NAV3: variants seen among roughly 807,000 people sequenced by gnomAD.
NAV3 encodes the protein pore membrane and/or filament interacting like protein 1.
Under a neutral mutation model 244.7 loss-of-function variants are expected in NAV3, and 87 were observed. That is an observed-to-expected ratio of 0.36 (90% CI 0.30 to 0.42). NAV3 has a LOEUF of 0.42. Among genes scored for constraint, NAV3 ranks in the 20% least tolerant of loss-of-function variants. The pLI is 1.00. For synonymous variants in NAV3, 1,126 were observed against 1,042.2 expected (o/e 1.08, Z -1.55); for missense variants, 2,663 against 2,893.3 (o/e 0.92, Z 1.83).
intron 3 of NAV3, among the ~76,000 whole-genome samples, chr12:77,947,721 A>T (rs1222083753): frequency 6.6e-6 from 1 of 152,010 alleles, no homozygotes; most frequent in Non-Finnish European, 1.5e-5. Context: ...TATTTTTCTT[A>T]ATGATTTCAT....
Position 77,903,061 on chromosome 12 carries a change from A to G in NAV3, c.244-37258A>G, listed in dbSNP as rs868671635. On this transcript the variant is annotated intron_variant, in intron 1 of 39. Transcript: ENST00000397909. ...AAGAATCAATATCGTGAAAATGGCC[A>G]TACTGCCCCAGGTAATTTATAGATT... is the stretch of plus-strand genomic sequence containing the variant. Among the ~76,000 whole-genome samples, 115 of 152,342 alleles carry G rather than the reference A, an allele frequency of 7.5e-4. 2 individuals carry two copies. Among genetic ancestry groups the G allele is most frequent in the Admixed American group, 3.3e-4 (5 of 15,302 alleles).
chr12:77,871,256 T>C (rs1262549547), intron 1 of NAV3, among the ~76,000 whole-genome samples: 1 of 152,122 alleles, frequency 6.6e-6, no homozygotes, highest in Non-Finnish European at 1.5e-5. Context: ...AGAAAAAAAT[T>C]AGTAAAAGAT....
In NAV3 at chr12:77,968,210, G is replaced by A. The variant is rs566368460; in HGVS notation, c.488-309G>A. ...AATCAAATGGTTAGCACAAGAGAGA[G>A]CTCATTTATTTCTAAGAAGCAGCTA... On this transcript the variant is annotated intron_variant, in intron 4 of 39. Coordinates refer to ENST00000397909, the MANE Select transcript of NAV3 (RefSeq NM_001024383.2). Among the ~76,000 whole-genome samples the A allele has an allele frequency of 6.1e-4, 93 of 152,302 alleles. 1 individual carries two copies. The South Asian group carries it at 0.019, about 31-fold the overall frequency.
rs552417610 is a variant in NAV3, at chr12:78,009,396, A to C, written c.1907+1951A>C. Among the ~76,000 whole-genome samples, 20 of 128,950 alleles carry C rather than the reference A, an allele frequency of 1.6e-4. 1 individual carries two copies. Among genetic ancestry groups the C allele is most frequent in the African/African-American group, 5.6e-4 (20 of 35,502 alleles). The allele number at this position is 128,950 out of a possible 152,430, so 84.6% of individuals were successfully genotyped here. A position where few individuals can be genotyped will look rare whatever the true frequency, so the allele number is the denominator to read the frequency against. ...CCAGGAGGTGGCAGAGGTTGCAGTGAGCTGAGATCGTGCATTTGCACTGCA... is the reference window on the plus strand; with the variant it reads ...CCAGGAGGTGGCAGAGGTTGCAGTGCGCTGAGATCGTGCATTTGCACTGCA... On this transcript the variant is annotated intron_variant, in intron 8 of 39. Coordinates refer to ENST00000397909, the MANE Select transcript of NAV3 (RefSeq NM_001024383.2).
At chr12:78,173,286 C>G (rs902935079) in intron 24 of NAV3, among the ~76,000 whole-genome samples, 6 of 151,498 alleles carry the variant, frequency 4.0e-5, no homozygotes, top group Admixed American at 2.6e-4. Context: ...TGAATGCAGT[C>G]ATAATTGAAG....
chr12:77,979,685 A>G (rs1869171691), intron 5 of NAV3, among the ~76,000 whole-genome samples: 1 of 146,476 alleles, frequency 6.8e-6, no homozygotes. Flanking sequence ...TCTCAGTCTC[A>G]TAAGATGTGA....
rs562779573 is a variant in NAV3 at position 77,773,620 on chromosome 12, A to G, written c.73-166699A>G. On this transcript the variant is annotated intron_variant, in intron 2 of 8. Coordinates refer to the NAV3 transcript ENST00000550042. Reference sequence around the variant, plus strand: ...GATACATAGTATATTAGATAATGATAGGACCTATGAATAAATATAAAGCAG... The same window carrying G: ...GATACATAGTATATTAGATAATGATGGGACCTATGAATAAATATAAAGCAG... Among the ~76,000 whole-genome samples the G allele has an allele frequency of 5.3e-5, 8 of 152,296 alleles. No homozygotes were observed. In the South Asian group the frequency reaches 1.7e-3, roughly 32 times the overall value.
chr12:78,126,143 G>A (rs1043273385), intron 16 of NAV3, among the ~76,000 whole-genome samples: 2 of 152,106 alleles, frequency 1.3e-5, no homozygotes, highest in Admixed American at 6.6e-5. Flanking sequence ...GGCTATTACC[G>A]ATAAAGTTAA....
intron 2 of NAV3, among the ~76,000 whole-genome samples, chr12:77,660,794 GTC>G (rs1371783730): frequency 6.6e-6 from 1 of 152,004 alleles, no homozygotes; most frequent in African/African-American, 2.4e-5. Flanking sequence ...AACTAGCTTT[GTC>G]TCTATAGTTT....
At chr12:77,665,555 T>C (rs1873675583) in intron 2 of NAV3, among the ~76,000 whole-genome samples, 1 of 152,212 alleles carries the variant, frequency 6.6e-6, no homozygotes, top group Non-Finnish European at 1.5e-5. Flanking sequence ...AAACTTCCCG[T>C]ATCTTGGGAA....
intron 3 of NAV3, among the ~76,000 whole-genome samples, chr12:77,961,239 T>TTAC (rs143982897): frequency 7.3e-6 from 1 of 137,470 alleles, no homozygotes; most frequent in Non-Finnish European, 1.6e-5. Context: ...TAATAATATA[T>TTAC]TAAAGTATTA....
At chr12:77,785,184 C>T (rs1291546591) in intron 2 of NAV3, among the ~76,000 whole-genome samples, 2 of 152,208 alleles carry the variant, frequency 1.3e-5, no homozygotes, top group Non-Finnish European at 2.9e-5. Context: ...TCTTGTAGTC[C>T]TTATGCCTCC....
At chr12:77,723,064 T>C (rs1237771686) in intron 2 of NAV3, among the ~76,000 whole-genome samples, 2 of 152,008 alleles carry the variant, frequency 1.3e-5, no homozygotes, top group East Asian at 3.9e-4. Flanking sequence ...TTTTACTAAA[T>C]GTTTTTCTAC....
At chr12:78,091,923 T>TAA (rs1360842031) in intron 12 of NAV3, among the ~76,000 whole-genome samples, 1 of 151,834 alleles carries the variant, frequency 6.6e-6, no homozygotes, top group Admixed American at 6.6e-5. Context: ...ACATTCCCAA[T>TAA]AAAGCACTCA....
Position 77,605,559 on chromosome 12 carries a change from A to T in NAV3, c.72+33293A>T, listed in dbSNP as rs76848827. Among the ~76,000 whole-genome samples, 112 of 152,248 alleles carry T rather than the reference A, an allele frequency of 7.4e-4. 3 individuals are homozygous for T. In the East Asian group the frequency reaches 0.02, roughly 27 times the overall value. Reference sequence around the variant, plus strand: ...TTAACCTGTTATTTTGCTCTTTAAGATTAAAGATAACTTGTATTGAGAATT... The same window carrying T: ...TTAACCTGTTATTTTGCTCTTTAAGTTTAAAGATAACTTGTATTGAGAATT... On this transcript the variant is annotated intron_variant, in intron 2 of 8. Transcript: ENST00000550042.
intron 3 of NAV3, among the ~76,000 whole-genome samples, chr12:77,954,372 A>G (rs1324705497): frequency 6.6e-6 from 1 of 152,196 alleles, no homozygotes; most frequent in Non-Finnish European, 1.5e-5. Context: ...GAATGTTTAA[A>G]TTATAGTGGT....
chr12:77,616,127 G>A (rs977978525), intron 2 of NAV3, among the ~76,000 whole-genome samples: 2 of 152,040 alleles, frequency 1.3e-5, no homozygotes, highest in Non-Finnish European at 2.9e-5. Flanking sequence ...TTAGTATGAG[G>A]CCAGGCATGG....
At chr12:77,905,488 G>A (rs994574296) in intron 1 of NAV3, among the ~76,000 whole-genome samples, 1 of 152,080 alleles carries the variant, frequency 6.6e-6, no homozygotes, top group African/African-American at 2.4e-5. Context: ...AGAATCCAGA[G>A]ACTTAGTGTG....
Position 77,982,186 on chromosome 12 carries a change from C to T in NAV3, c.672-12617C>T, listed in dbSNP as rs1302394529. 2.6e-5 allele frequency among the ~76,000 whole-genome samples: 4 copies of T among 152,086 alleles called. 1 individual carries two copies. The highest frequency in any genetic ancestry group is 5.9e-5 in the Non-Finnish European group (4 of 68,036). Reference sequence around the variant, plus strand: ...GTTTTGATGAACCAGCCACTGTCTACTTGGGCAGAGTCAATGCATAACATA... The same window carrying T: ...GTTTTGATGAACCAGCCACTGTCTATTTGGGCAGAGTCAATGCATAACATA... On this transcript the variant is annotated intron_variant, in intron 5 of 39. Transcript: ENST00000397909.
Sources: allele counts gnomAD v4.1 joint callset (sites outside exome capture counted in the v4.1 genomes callset), GRCh38; gene constraint gnomAD v4.1.1; transcripts MANE v1.5; gene names NCBI Gene and HGNC (gene_info 2026-07-23, HGNC 2026-07-21).